The following GNAL variants were observed in gnomAD, a reference collection of about 807,000 sequenced individuals.
The protein encoded by GNAL is guanine nucleotide-binding protein G(olf) subunit alpha.
In GNAL, 18 loss-of-function variants were observed where a neutral mutation model predicts 55.1. That is an observed-to-expected ratio of 0.33 (90% CI 0.23 to 0.48). The LOEUF (loss-of-function observed/expected upper bound fraction) is 0.48, where lower values mean the gene tolerates loss of function less well. Ranked by LOEUF, GNAL falls within the 20% of genes least tolerant of loss-of-function variation. The probability of loss-of-function intolerance (pLI) is 0.99; values close to 1 mark genes in which losing one functional copy is unlikely to be tolerated. For synonymous variants in GNAL, 253 were observed against 237.0 expected (o/e 1.07, Z -0.62); for missense variants, 412 against 614.1 (o/e 0.67, Z 3.48).
chr18:11,770,975 G>A (rs1158086185), intron 4 of GNAL, among the ~76,000 whole-genome samples: 1 of 152,068 alleles, frequency 6.6e-6, no homozygotes, highest in African/African-American at 2.4e-5. Context: ...AGCACTTAGG[G>A]AGGCCAAGGC....
chr18:11,874,204 A>G (rs2036469534), intron 10 of GNAL: 1 of 152,220 alleles, frequency 6.6e-6, no homozygotes, highest in Admixed American at 6.5e-5. Flanking sequence ...AGCATGCGTC[A>G]TCTCCATCTG....
chr18:11,719,322 T>C (rs917029173), intron 1 of GNAL, among the ~76,000 whole-genome samples: 8 of 152,016 alleles, frequency 5.3e-5, no homozygotes, highest in Admixed American at 2.6e-4. Flanking sequence ...TCTTTACAAA[T>C]GACAGGAAGA....
Position 11,881,155 on chromosome 18 carries a change from C to T in GNAL, c.*20C>T, listed in dbSNP as rs779523088. ...TTGTGAGGATGCTGCCGCCACCCTGCGACGGAGCGGCGCCCCGGACTGCCT... is the reference window on the plus strand; with the variant it reads ...TTGTGAGGATGCTGCCGCCACCCTGTGACGGAGCGGCGCCCCGGACTGCCT... On this transcript the variant is annotated 3_prime_UTR_variant, in exon 12 of 12. Coordinates refer to ENST00000334049, the MANE Select transcript of GNAL (RefSeq NM_182978.4). The surrounding 1 kb of genome is among the most constrained non-coding windows in gnomAD (Gnocchi z 4.8). The T allele has an allele frequency of 6.9e-6, 11 of 1,590,194 alleles. No homozygotes were observed. The highest frequency in any genetic ancestry group is 1.7e-4 in the Middle Eastern group (1 of 5,984).
At position 11,868,460 on chromosome 18, in the gene GNAL, G is replaced by A. The variant is rs752368915; in HGVS notation, c.911-83G>A. ...ACTGAATGAATGTTTTTGTGGAACT[G>A]AGTAGCTGCTGGGTGTGTACTTTCT... On this transcript the variant is annotated intron_variant, in intron 8 of 11. Coordinates refer to ENST00000334049, the MANE Select transcript of GNAL (RefSeq NM_182978.4). This position sits in a 1 kb window ranked among gnomAD's most constrained non-coding sequence, Gnocchi z 4.0. 1.1e-5 allele frequency: 13 copies of A among 1,151,552 alleles called. No individual in the cohort carries two copies. Among genetic ancestry groups the A allele is most frequent in the Non-Finnish European group, 1.2e-5 (10 of 800,644 alleles). The allele number at this position is 1,151,552 out of a possible 1,614,324, so 71.3% of individuals were successfully genotyped here.
chr18:11,871,253 C>CTCT (rs1555616384), intron 9 of GNAL, among the ~76,000 whole-genome samples: 2,173 of 138,614 alleles, frequency 0.016, 46 homozygotes, highest in African/African-American at 0.042. Context: ...GTTTTTCTTT[C>CTCT]TTTTTTTTTT....
rs990274672 is a variant in GNAL, at chr18:11,868,401, C to T, written c.911-142C>T. On this transcript the variant is annotated intron_variant, in intron 8 of 11. Transcript: ENST00000334049. This position sits in a 1 kb window ranked among gnomAD's most constrained non-coding sequence, Gnocchi z 4.0. ...GAAGCAACCAGTGGTGCGCGGCGCA[C>T]CTGCAGGCTGTTCTGTGACTGAATA... 3.0e-6 allele frequency: 2 copies of T among 661,490 alleles called. No individual in the cohort carries two copies. The highest frequency in any genetic ancestry group is 1.9e-5 in the African/African-American group (1 of 53,514). 41.0% of individuals were successfully genotyped at this position (661,490 alleles called of 1,614,324 possible).
chr18:11,709,981 A>ACC (rs2031798953), intron 1 of GNAL, among the ~76,000 whole-genome samples: 1 of 152,078 alleles, frequency 6.6e-6, no homozygotes, highest in Non-Finnish European at 1.5e-5. Context: ...TTTCTTCTAT[A>ACC]CCTAGTTTAT....
chr18:11,703,576 C>T (rs2031629340), intron 1 of GNAL, among the ~76,000 whole-genome samples: 1 of 152,220 alleles, frequency 6.6e-6, no homozygotes, highest in African/African-American at 2.4e-5. Context: ...GCCTTCTGAA[C>T]ATCAGCTATT....
At position 11,689,775 on chromosome 18, in the gene GNAL, C is replaced by A; in HGVS notation, c.212C>A (p.Pro71Gln). The part of the protein sequence containing the change: ...PACARPKADK[P>Q]KEKRQRTEQL... The stretch of plus-strand genomic sequence containing the variant: ...TGCGCTCGGCCCAAAGCAGACAAGC[C>A]GAAGGAGAAGCGGCAGCGCACCGAG... Residue 71 changes from proline to glutamine, a missense_variant, in exon 1 of 12, where the codon CCG becomes CAG. Pro to Gln is a moderately conservative substitution (Grantham distance 76). This residue lies in a region of GNAL where 228 missense variants were observed against 194.8 expected (regional missense o/e 1.17). Transcript: ENST00000334049. 6.5e-7 allele frequency: 1 copy of A among 1,526,752 alleles called. No homozygotes were observed. Among genetic ancestry groups the A allele is most frequent in the Non-Finnish European group, 8.8e-7 (1 of 1,140,114 alleles). 94.6% of individuals were successfully genotyped at this position (1,526,752 alleles called of 1,614,324 possible). A position where few individuals can be genotyped will look rare whatever the true frequency, so the allele number is the denominator to read the frequency against.
chr18:11,855,953 CAA>C (rs1323012645), intron 5 of GNAL, among the ~76,000 whole-genome samples: 6 of 150,232 alleles, frequency 4.0e-5, no homozygotes, highest in Non-Finnish European at 5.9e-5. Flanking sequence ...GCCTGGGCAA[CAA>C]GAGCGAAACT....
chr18:11,840,287 G>C (rs2035585240), intron 5 of GNAL, among the ~76,000 whole-genome samples: 1 of 152,226 alleles, frequency 6.6e-6, no homozygotes, highest in Admixed American at 6.5e-5. Flanking sequence ...TCCTTATCCA[G>C]CTACTGAGGC....
chr18:11,723,057 G>A (rs969195510), intron 1 of GNAL, among the ~76,000 whole-genome samples: 1 of 148,672 alleles, frequency 6.7e-6, no homozygotes, highest in Non-Finnish European at 1.5e-5. Context: ...GGTGGCACAT[G>A]CCTGTAATCC....
At chr18:11,753,211 C>G (rs1370520643) in intron 2 of GNAL, among the ~76,000 whole-genome samples, 1 of 129,260 alleles carries the variant, frequency 7.7e-6, no homozygotes, top group Non-Finnish European at 1.6e-5. Context: ...ACCAATATCT[C>G]GATATATTTT....
rs1037807127 is a variant in GNAL, at chr18:11,689,292, A to G, written c.-272A>G. 3.1e-5 allele frequency: 9 copies of G among 291,440 alleles called. No individual in the cohort carries two copies. The highest frequency in any genetic ancestry group is 1.0e-4 in the Admixed American group (2 of 19,262). The allele number at this position is 291,440 out of a possible 1,614,324, so 18.1% of individuals were successfully genotyped here. On this transcript the variant is annotated 5_prime_UTR_variant, in exon 1 of 12. Transcript: ENST00000334049. ...GGTTCGGTCCGCTCTGGGCGTTAGC[A>G]AGTGATCTCCAGCCAAGGCGGCCGC... is the stretch of plus-strand genomic sequence containing the variant.
chr18:11,794,435 GA>G (rs1429043377), intron 4 of GNAL, among the ~76,000 whole-genome samples: 1 of 152,198 alleles, frequency 6.6e-6, no homozygotes, highest in Non-Finnish European at 1.5e-5. Flanking sequence ...CCACAGCATG[GA>G]TGAACCTTGA....
intron 1 of GNAL, among the ~76,000 whole-genome samples, chr18:11,692,708 G>A (rs1292848276): frequency 2.6e-5 from 4 of 151,500 alleles, no homozygotes; most frequent in Admixed American, 6.6e-5. Flanking sequence ...CTTGATCTCA[G>A]GAGTTCAAGA....
chr18:11,842,037 A>C (rs936229916), intron 5 of GNAL, among the ~76,000 whole-genome samples: 1 of 151,898 alleles, frequency 6.6e-6, no homozygotes, highest in African/African-American at 2.4e-5. Flanking sequence ...CAATGGTGCA[A>C]TCTCGACTCA....
chr18:11,790,867 C>G lies in GNAL; in HGVS notation c.625-34051C>G, dbSNP rs893627941. On this transcript the variant is annotated intron_variant, in intron 4 of 11. Coordinates refer to ENST00000334049, the MANE Select transcript of GNAL (RefSeq NM_182978.4). The stretch of plus-strand genomic sequence containing the variant: ...AGAGACGGAGTTTCACCGTGTTAGC[C>G]AGGATGGTCTTGATCTCCTGACCTC... Among the ~76,000 whole-genome samples the G allele has an allele frequency of 3.0e-4, 45 of 152,144 alleles. 1 individual carries two copies. Among genetic ancestry groups the G allele is most frequent in the Admixed American group, 1.4e-3 (22 of 15,294 alleles).
At position 11,752,338 on chromosome 18, in the gene GNAL, A is replaced by G. The variant is rs898253777; in HGVS notation, c.377-515A>G. 2.0e-5 allele frequency: 30 copies of G among 1,489,174 alleles called. No homozygotes were observed. The highest frequency in any genetic ancestry group is 2.6e-5 in the East Asian group (1 of 38,214). 92.2% of individuals were successfully genotyped at this position (1,489,174 alleles called of 1,614,324 possible). A position where few individuals can be genotyped will look rare whatever the true frequency, so the allele number is the denominator to read the frequency against. Reference sequence around the variant, plus strand: ...AGACCATCTCTTTCAGCAGCAGGAAAGAGAGGAGCCGTCGCAGGAGCCGCA... The same window carrying G: ...AGACCATCTCTTTCAGCAGCAGGAAGGAGAGGAGCCGTCGCAGGAGCCGCA... On this transcript the variant is annotated intron_variant, in intron 1 of 11. Transcript: ENST00000334049. This position sits in a 1 kb window ranked among gnomAD's most constrained non-coding sequence, Gnocchi z 4.5.
Sources: gnomAD v4.1 joint callset for allele counts (sites outside exome capture counted in the v4.1 genomes callset) on GRCh38, gnomAD v4.1.1 for gene constraint, gnomAD v4.1.1 regional missense constraint, Gnocchi (gnomAD v3.1) non-coding constraint, MANE v1.5 for transcripts, NCBI Gene and HGNC (gene_info 2026-07-23, HGNC 2026-07-21) for gene names.